RGS7: variants seen among roughly 807,000 people sequenced by gnomAD.
RGS7 encodes the protein regulator of G-protein signaling 7.
Under a neutral mutation model 81.1 loss-of-function variants are expected in RGS7, and 27 were observed. The observed-to-expected ratio is 0.33, with a 90% CI of 0.25 to 0.46. The LOEUF (loss-of-function observed/expected upper bound fraction) is 0.46. Ranked by LOEUF, RGS7 falls within the 20% of genes least tolerant of loss-of-function variation. The pLI, the probability that RGS7 is intolerant of heterozygous loss-of-function variation, is 1.00. For missense variants in RGS7, 396 were observed against 607.4 expected (o/e 0.65, Z 3.66); for synonymous variants, 208 against 207.7 (o/e 1.00, Z -0.01).
chr1:240,943,359 C>T (rs1677926807), intron 4 of RGS7, among the ~76,000 whole-genome samples: 1 of 152,092 alleles, frequency 6.6e-6, no homozygotes, highest in Admixed American at 6.5e-5. Flanking sequence ...AAGAAGTTGA[C>T]AAAATAATAA....
In RGS7 at chr1:241,287,443, C is replaced by T. The variant is rs113779981; in HGVS notation, c.78+68256G>A. Among the ~76,000 whole-genome samples, 712 of 152,292 alleles carry T rather than the reference C, an allele frequency of 4.7e-3. 4 individuals are homozygous for T. Among genetic ancestry groups the T allele is most frequent in the African/African-American group, 0.016 (660 of 41,568 alleles). ...CCCTACACAAGCTCTCTCTTGCCTG[C>T]TGTCACTTAAGACGTGACTTTGCTC... On this transcript the variant is annotated intron_variant, in intron 2 of 18. Coordinates refer to ENST00000440928, the MANE Select transcript of RGS7 (RefSeq NM_001364886.1).
chr1:240,797,600 C>T (rs1301446965), intron 18 of RGS7, among the ~76,000 whole-genome samples: 1 of 152,174 alleles, frequency 6.6e-6, no homozygotes, highest in Non-Finnish European at 1.5e-5. Flanking sequence ...GATCCACCCG[C>T]CTCGGCCTCT....
In RGS7 at chr1:240,930,765, G is replaced by C; in HGVS notation, c.337C>G (p.Pro113Ala). The C allele has an allele frequency of 6.2e-7, 1 of 1,613,818 alleles. No homozygotes were observed. The highest frequency in any genetic ancestry group is 8.5e-7 in the Non-Finnish European group (1 of 1,179,798). Residue 113 changes from proline (P) to alanine (A), a missense_variant, in exon 6 of 19, where the codon CCC (proline) becomes GCC (alanine). Pro to Ala is a conservative substitution (Grantham distance 27). Coordinates refer to ENST00000440928, the MANE Select transcript of RGS7 (RefSeq NM_001364886.1). ...CAACAATTTGATGGCCAAAAATAGG[G>C]GGTCTGCGGAATGAAAAGAAGTGGA... ...DDGTFYRFQT[P>A]YFWPSNCWEP... is the part of the protein sequence containing the mutation.
intron 6 of RGS7, among the ~76,000 whole-genome samples, chr1:240,895,412 A>G (rs1002464484): frequency 6.6e-6 from 1 of 151,524 alleles, no homozygotes; most frequent in Non-Finnish European, 1.5e-5. Flanking sequence ...TACATTAGGT[A>G]TATCTCCTAA....
chr1:241,190,586 T>C (rs1356557159), intron 2 of RGS7, among the ~76,000 whole-genome samples: 2 of 152,208 alleles, frequency 1.3e-5, no homozygotes, highest in African/African-American at 2.4e-5. Context: ...CTGATTATTG[T>C]AAATGGTGTT....
At chr1:241,060,472 C>A (rs895244487) in intron 3 of RGS7, among the ~76,000 whole-genome samples, 2 of 151,802 alleles carry the variant, frequency 1.3e-5, no homozygotes, top group Non-Finnish European at 2.9e-5. Flanking sequence ...TTTTTTTCTC[C>A]CCCCAACTTC....
intron 3 of RGS7, among the ~76,000 whole-genome samples, chr1:241,088,163 A>G (rs944145892): frequency 6.6e-6 from 1 of 151,530 alleles, no homozygotes; most frequent in African/African-American, 2.4e-5. Flanking sequence ...AGCATTTTAG[A>G]TGGAGGAAAA....
chr1:241,334,938 G>A (rs888001149), intron 2 of RGS7, among the ~76,000 whole-genome samples: 12 of 152,254 alleles, frequency 7.9e-5, no homozygotes, highest in African/African-American at 2.9e-4. Flanking sequence ...GCAGGCAAGG[G>A]CACTGGGTTC....
At chr1:241,158,525 C>T (rs145325933) in intron 2 of RGS7, among the ~76,000 whole-genome samples, 23 of 152,280 alleles carry the variant, frequency 1.5e-4, no homozygotes, top group South Asian at 6.2e-4. Context: ...TGCCTTAAAA[C>T]AGAACTGGAA....
intron 2 of RGS7, among the ~76,000 whole-genome samples, chr1:241,202,767 T>C (rs2073617064): frequency 6.6e-6 from 1 of 150,828 alleles, no homozygotes; most frequent in African/African-American, 2.5e-5. Context: ...GGGAGGAGTG[T>C]AGGGGGCAGT....
At chr1:241,120,594 T>C (rs1310429452) in intron 2 of RGS7, among the ~76,000 whole-genome samples, 4 of 151,994 alleles carry the variant, frequency 2.6e-5, no homozygotes, top group Non-Finnish European at 5.9e-5. Context: ...GGTCCACCTG[T>C]CTCATCTTCC....
At chr1:241,086,322 T>C (rs1316930772) in intron 3 of RGS7, among the ~76,000 whole-genome samples, 2 of 152,184 alleles carry the variant, frequency 1.3e-5, no homozygotes, top group Admixed American at 6.5e-5. Flanking sequence ...GTGAAAGGCA[T>C]AGTGGTGCAT....
At chr1:241,167,467 T>C (rs2070351039) in intron 2 of RGS7, among the ~76,000 whole-genome samples, 1 of 151,914 alleles carries the variant, frequency 6.6e-6, no homozygotes, top group Non-Finnish European at 1.5e-5. Flanking sequence ...GAATGTGTCA[T>C]GTGGCATCAA....
At chr1:240,967,576 G>GA (rs1682528859) in intron 4 of RGS7, among the ~76,000 whole-genome samples, 2 of 130,242 alleles carry the variant, frequency 1.5e-5, no homozygotes, top group Non-Finnish European at 3.5e-5. Flanking sequence ...AGTGGGGGGG[G>GA]GGGGGAAAAG....
At chr1:241,048,107 T>C (rs1389877734) in intron 3 of RGS7, among the ~76,000 whole-genome samples, 2 of 151,994 alleles carry the variant, frequency 1.3e-5, no homozygotes, top group East Asian at 3.9e-4. Context: ...GTCACGGGCA[T>C]TATTACCAAG....
intron 9 of RGS7, among the ~76,000 whole-genome samples, chr1:240,858,646 T>C (rs2147969507): frequency 6.6e-6 from 1 of 152,364 alleles, no homozygotes; most frequent in African/African-American, 2.4e-5. Context: ...GTTTTGCTAA[T>C]ATTGTCCCAG....
At chr1:240,861,049 G>T (rs2147982214) in intron 9 of RGS7, among the ~76,000 whole-genome samples, 1 of 152,290 alleles carries the variant, frequency 6.6e-6, no homozygotes, top group East Asian at 1.9e-4. Context: ...GTTTAGGATA[G>T]GGAATTGAAG....
intron 6 of RGS7, among the ~76,000 whole-genome samples, chr1:240,900,295 C>A (rs71648634): frequency 0.13 from 19,447 of 152,200 alleles, 1,360 homozygotes; most frequent in Middle Eastern, 0.18. Flanking sequence ...CTCCCAACTC[C>A]TCAAAGTCAT....
Position 241,147,162 on chromosome 1 carries a change from C to T in RGS7, c.79-48400G>A, listed in dbSNP as rs887123571. On this transcript the variant is annotated intron_variant, in intron 2 of 18. Transcript: ENST00000440928. The stretch of plus-strand genomic sequence containing the variant: ...AACACACACACACGACTCCATTTTT[C>T]ATCAAGGCCACCTTCCAGAAAGAAA... Among the ~76,000 whole-genome samples the T allele has an allele frequency of 1.7e-4, 26 of 152,152 alleles. 2 individuals carry two copies. The highest frequency in any genetic ancestry group is 2.9e-5 in the Non-Finnish European group (2 of 68,032).
Sources: gnomAD v4.1 joint callset for allele counts (sites outside exome capture counted in the v4.1 genomes callset) on GRCh38, gnomAD v4.1.1 for gene constraint, MANE v1.5 for transcripts, NCBI Gene and HGNC (gene_info 2026-07-23, HGNC 2026-07-21) for gene names.